Variants in UNC13C observed in about 807,000 individuals in gnomAD.
UNC13C encodes protein unc-13 homolog C.
Under a neutral mutation model 245.4 loss-of-function variants are expected in UNC13C, and 174 were observed. That is an observed-to-expected ratio of 0.71 (90% CI 0.63 to 0.80). UNC13C has a LOEUF of 0.80. Ranked by LOEUF, UNC13C falls within the 30% of genes least tolerant of loss-of-function variation. The pLI, the probability that UNC13C is intolerant of heterozygous loss-of-function variation, is 0.00. For missense variants in UNC13C, 2,829 were observed against 2,602.9 expected (o/e 1.09, Z -1.89); for synonymous variants, 992 against 895.1 (o/e 1.11, Z -1.93).
intron 4 of UNC13C, among the ~76,000 whole-genome samples, chr15:54,206,863 G>C (rs2034729460): frequency 6.6e-6 from 1 of 152,052 alleles, no homozygotes; most frequent in Non-Finnish European, 1.5e-5. Flanking sequence ...AAATTGCTCT[G>C]GCAAGAACAC....
intron 22 of UNC13C, among the ~76,000 whole-genome samples, chr15:54,501,383 T>C (rs1894203757): frequency 6.6e-6 from 1 of 152,176 alleles, no homozygotes; most frequent in Admixed American, 6.6e-5. Flanking sequence ...AACTGATTTC[T>C]GATTACAAAT....
At chr15:53,913,962 C>T in the UNC13C span, 2 of 152,256 alleles carry the variant, frequency 1.3e-5, no homozygotes, top group African/African-American at 4.8e-5. Flanking sequence ...ACAGTAATCA[C>T]CAATGTTGCA....
chr15:54,390,823 T>G (rs1255120227), intron 17 of UNC13C, among the ~76,000 whole-genome samples: 1 of 152,108 alleles, frequency 6.6e-6, no homozygotes, highest in African/African-American at 2.4e-5. Flanking sequence ...GTAAATATTA[T>G]AATACACCAG....
chr15:54,622,471 G>A, intron 31 of UNC13C, 52 bp downstream of exon 31: 2 of 1,305,924 alleles, frequency 1.5e-6, no homozygotes, highest in Non-Finnish European at 1.1e-6. Context: ...TTCTGCAGCA[G>A]TACTGATATC....
chr15:54,605,196 A>G (rs964543299), intron 30 of UNC13C, among the ~76,000 whole-genome samples: 7 of 152,178 alleles, frequency 4.6e-5, no homozygotes, highest in African/African-American at 1.7e-4. Context: ...TCAAACAATC[A>G]GCAACCAATT....
intron 30 of UNC13C, among the ~76,000 whole-genome samples, chr15:54,599,259 C>G (rs2141268720): frequency 6.6e-6 from 1 of 152,084 alleles, no homozygotes; most frequent in South Asian, 2.1e-4. Context: ...AATACAAATC[C>G]CTGCTTCAAG....
At chr15:54,614,863 T>G (rs1403556611) in intron 30 of UNC13C, among the ~76,000 whole-genome samples, 3 of 152,086 alleles carry the variant, frequency 2.0e-5, no homozygotes, top group Non-Finnish European at 4.4e-5. Flanking sequence ...ATTAAACTTT[T>G]AGCTCAAGAA....
intron 18 of UNC13C, among the ~76,000 whole-genome samples, chr15:54,408,199 CAAAAAAAAAAAAAAA>C (rs71105808): frequency 2.1e-4 from 6 of 29,130 alleles, no homozygotes; most frequent in East Asian, 1.1e-3. Context: ...GACTCTGCCT[CAAAAAAAAAAAAAAA>C]AAAAAAAAAA....
chr15:54,419,626 A>G (rs1460922643), intron 19 of UNC13C, among the ~76,000 whole-genome samples: 3 of 152,072 alleles, frequency 2.0e-5, no homozygotes, highest in Non-Finnish European at 2.9e-5. Flanking sequence ...TGAGTATTTT[A>G]TCCCTGCCTG....
At chr15:54,146,469 T>G in intron 4 of UNC13C, among the ~76,000 whole-genome samples, 1 of 152,246 alleles carries the variant, frequency 6.6e-6, no homozygotes, top group East Asian at 1.9e-4. Flanking sequence ...TGATTTCTGC[T>G]TAGCTCTCTG....
At chr15:54,289,659 T>C (rs1332087484) in intron 10 of UNC13C, among the ~76,000 whole-genome samples, 3 of 152,152 alleles carry the variant, frequency 2.0e-5, no homozygotes, top group Non-Finnish European at 4.4e-5. Flanking sequence ...GTTAAAGTAC[T>C]AGCTTCTGAA....
intron 17 of UNC13C, among the ~76,000 whole-genome samples, chr15:54,387,377 G>T (rs1244124961): frequency 6.6e-6 from 1 of 152,110 alleles, no homozygotes; most frequent in African/African-American, 2.4e-5. Flanking sequence ...TAACTTCCAG[G>T]CATTGCCATG....
In UNC13C at chr15:54,059,876, C is replaced by G. The variant is rs575831008; in HGVS notation, c.2983+43990C>G. On this transcript the variant is annotated intron_variant, in intron 2 of 32. Transcript: ENST00000260323. ...AAACAAGCAATGGGGAAAGGATTCC[C>G]TATTTAATAAATGGTGCTGGGAAAA... Among the ~76,000 whole-genome samples the G allele has an allele frequency of 3.7e-4, 57 of 152,284 alleles. No homozygotes were observed. In the East Asian group the frequency reaches 0.01, roughly 27 times the overall value.
At chr15:54,619,220 T>TATC (rs1157981562) in intron 30 of UNC13C, among the ~76,000 whole-genome samples, 1 of 151,956 alleles carries the variant, frequency 6.6e-6, no homozygotes, top group Non-Finnish European at 1.5e-5. Flanking sequence ...AAGATATCTG[T>TATC]ATCTTTCTCC....
chr15:54,529,645 TC>T (rs1259723525), intron 25 of UNC13C, among the ~76,000 whole-genome samples: 2 of 152,212 alleles, frequency 1.3e-5, no homozygotes, highest in African/African-American at 4.8e-5. Flanking sequence ...TAGTGAACAT[TC>T]CTAAACTTCT....
chr15:54,015,013 G>A lies in UNC13C; in HGVS notation c.2110G>A (p.Asp704Asn). 1 of 1,613,468 alleles carries A rather than the reference G, an allele frequency of 6.2e-7. No individual in the cohort carries two copies. The highest frequency in any genetic ancestry group is 8.5e-7 in the Non-Finnish European group (1 of 1,179,722). The stretch of plus-strand genomic sequence containing the variant: ...AGAATACTTGGGAAAGTGCCACAGT[G>A]ATCTTCAAGATGACTCAGAGAGCTA... Reference protein sequence around the residue: ...DLEYLGKCHSDLQDDSESYDL... With the variant: ...DLEYLGKCHSNLQDDSESYDL... Residue 704 changes from aspartate to asparagine, a missense_variant, in exon 2 of 33, where the codon GAT becomes AAT. Physicochemically the swap from Asp to Asn is conservative, Grantham distance 23 (BLOSUM62 1). Coordinates refer to ENST00000260323, the MANE Select transcript of UNC13C (RefSeq NM_001080534.3).
At chr15:54,063,014 A>G (rs1182965011) in intron 2 of UNC13C, among the ~76,000 whole-genome samples, 1 of 152,162 alleles carries the variant, frequency 6.6e-6, no homozygotes, top group African/African-American at 2.4e-5. Context: ...CCCGTTAGGG[A>G]TAGGCCTGGA....
intron 28 of UNC13C, among the ~76,000 whole-genome samples, chr15:54,555,223 C>A (rs1311291992): frequency 6.6e-5 from 10 of 152,056 alleles, no homozygotes; most frequent in Admixed American, 6.6e-4. Flanking sequence ...CAAAGCACTT[C>A]TTTTTAAGTA....
intron 17 of UNC13C, among the ~76,000 whole-genome samples, chr15:54,364,152 A>C (rs1033418838): frequency 6.6e-6 from 1 of 152,194 alleles, no homozygotes; most frequent in African/African-American, 2.4e-5. Flanking sequence ...TGAAAGAAAA[A>C]ACAATGAAAT....
Sources: gnomAD v4.1 joint callset for allele counts (sites outside exome capture counted in the v4.1 genomes callset) on GRCh38, gnomAD v4.1.1 for gene constraint, MANE v1.5 for transcripts, NCBI Gene and HGNC (gene_info 2026-07-23, HGNC 2026-07-21) for gene names.